The following SPTBN1 variants were observed in gnomAD, a reference collection of about 807,000 sequenced individuals.
SPTBN1 encodes the protein spectrin beta, non-erythrocytic 1.
In SPTBN1, 32 loss-of-function variants were observed where a neutral mutation model predicts 266.4. The observed-to-expected ratio is 0.12, with a 90% confidence interval of 0.09 to 0.16. The LOEUF (loss-of-function observed/expected upper bound fraction) is 0.16. SPTBN1 is among the 10% of genes least tolerant of loss of function. SPTBN1 has a pLI of 1.00. For missense variants in SPTBN1, 2,296 were observed against 3,067.1 expected (o/e 0.75, Z 5.94); for synonymous variants, 1,336 against 1,162.2 (o/e 1.15, Z -3.04).
chr2:54,483,330 A>T (rs1447357028), intron 1 of SPTBN1, among the ~76,000 whole-genome samples: 2 of 152,322 alleles, frequency 1.3e-5, no homozygotes, highest in African/African-American at 4.8e-5. Flanking sequence ...ATTATGTTCC[A>T]TGTTTGTTCA....
intron 26 of SPTBN1, among the ~76,000 whole-genome samples, chr2:54,651,954 C>CA (rs1157800063): frequency 2.0e-5 from 3 of 152,122 alleles, no homozygotes; most frequent in African/African-American, 7.2e-5. Flanking sequence ...TGCTTCTGTG[C>CA]AATCAGGGGT....
At position 54,558,408 on chromosome 2, in the gene SPTBN1, G is replaced by A. The variant is rs1452725321; in HGVS notation, c.148+31842G>A. The A allele has an allele frequency of 9.8e-7, 1 of 1,015,308 alleles. No homozygotes were observed. Among genetic ancestry groups the A allele is most frequent in the Non-Finnish European group, 1.2e-6 (1 of 849,492 alleles). The allele number at this position is 1,015,308 out of a possible 1,614,324, so 62.9% of individuals were successfully genotyped here. On this transcript the variant is annotated intron_variant, in intron 2 of 35. Transcript: ENST00000356805. This position sits in a 1 kb window ranked among gnomAD's most constrained non-coding sequence, Gnocchi z 4.6. ...AGCTGGGAGGAGGTGTGCGCGCTGC[G>A]CCCGCGAGCTCCCGGGCTCGGCAAC... is the stretch of plus-strand genomic sequence containing the variant.
At chr2:54,655,400 T>C (rs1680584357) in intron 28 of SPTBN1, among the ~76,000 whole-genome samples, 192 bp downstream of exon 28, 1 of 152,210 alleles carries the variant, frequency 6.6e-6, no homozygotes, top group Non-Finnish European at 1.5e-5. Context: ...GGTAAATCTC[T>C]GGCACAGAAG....
intron 24 of SPTBN1, 119 bp downstream of exon 24, chr2:54,647,380 C>A: frequency 7.3e-7 from 1 of 1,375,676 alleles, no homozygotes; most frequent in Non-Finnish European, 9.8e-7. Context: ...TAAGGCAAAT[C>A]TTTGAGAAGC....
intron 2 of SPTBN1, chr2:54,528,029 T>C (rs1670929453): frequency 6.6e-6 from 1 of 152,592 alleles, no homozygotes. Flanking sequence ...GTCTCTTGAG[T>C]GGTGTTGATT....
chr2:54,606,664 C>A (rs1213025140), intron 3 of SPTBN1, among the ~76,000 whole-genome samples: 1 of 152,220 alleles, frequency 6.6e-6, no homozygotes. Flanking sequence ...GAAATGATAG[C>A]TGATCCAGGA....
intron 1 of SPTBN1, among the ~76,000 whole-genome samples, chr2:54,461,201 AC>A (rs1381901839): frequency 6.6e-6 from 1 of 152,202 alleles, no homozygotes; most frequent in East Asian, 1.9e-4. Context: ...CTTTATATCA[AC>A]AAAATTATAC....
intron 2 of SPTBN1, among the ~76,000 whole-genome samples, chr2:54,555,298 G>C (rs1313210457): frequency 2.0e-5 from 3 of 152,060 alleles, no homozygotes; most frequent in African/African-American, 7.2e-5. Flanking sequence ...CCACATCCCT[G>C]ACTGCTCCAG....
At chr2:54,505,189 C>T (rs757018292) in intron 1 of SPTBN1, among the ~76,000 whole-genome samples, 1 of 152,062 alleles carries the variant, frequency 6.6e-6, no homozygotes, top group African/African-American at 2.4e-5. Flanking sequence ...ACATTGTATT[C>T]GATCACAAGA....
At chr2:54,491,447 A>T (rs1277598288) in intron 1 of SPTBN1, among the ~76,000 whole-genome samples, 1 of 152,224 alleles carries the variant, frequency 6.6e-6, no homozygotes, top group African/African-American at 2.4e-5. Flanking sequence ...TGGTCATCTT[A>T]TGTAAGAATA....
chr2:54,649,475 A>C lies in SPTBN1; in HGVS notation c.5203-140A>C. ...CCAGTTGCTAAGAGGTTCTCGAGCT[A>C]AGATCTATTGTTCTGAAGTCATGAG... is the stretch of plus-strand genomic sequence containing the variant. On this transcript the variant is annotated intron_variant, in intron 25 of 35. Coordinates refer to ENST00000356805, the MANE Select transcript of SPTBN1 (RefSeq NM_003128.3). This position sits in a 1 kb window ranked among gnomAD's most constrained non-coding sequence, Gnocchi z 6.7. The C allele has an allele frequency of 7.5e-7, 1 of 1,333,798 alleles. No homozygotes were observed. Among genetic ancestry groups the C allele is most frequent in the South Asian group, 1.6e-5 (1 of 63,740 alleles). 82.6% of individuals were successfully genotyped at this position (1,333,798 alleles called of 1,614,324 possible). A position where few individuals can be genotyped will look rare whatever the true frequency, so the allele number is the denominator to read the frequency against.
chr2:54,613,703 A>C (rs1326430339), intron 4 of SPTBN1, among the ~76,000 whole-genome samples: 1 of 152,192 alleles, frequency 6.6e-6, no homozygotes, highest in Non-Finnish European at 1.5e-5. Context: ...GCAATCAAGG[A>C]CATTTTTCCC....
chr2:54,599,033 T>A lies in SPTBN1; in HGVS notation c.149-59T>A, dbSNP rs113864996. ...CTGGGGTCTTGTGGCCCTGCTAGCA[T>A]GTGCCTGCTCCTGCCAGTTCTGTGG... On this transcript the variant is annotated intron_variant, in intron 2 of 35. Coordinates refer to ENST00000356805, the MANE Select transcript of SPTBN1 (RefSeq NM_003128.3). The A allele has an allele frequency of 5.5e-5, 88 of 1,586,076 alleles. 1 individual carries two copies. In the African/African-American group the frequency reaches 7.9e-4, roughly 14 times the overall value.
At chr2:54,476,284 A>G (rs750019176) in intron 1 of SPTBN1, among the ~76,000 whole-genome samples, 56 of 152,338 alleles carry the variant, frequency 3.7e-4, no homozygotes, top group Middle Eastern at 3.4e-3. Flanking sequence ...GTAGCAGGTA[A>G]GAGTAATCCT....
Position 54,554,025 on chromosome 2 carries a change from C to G in SPTBN1, c.148+27459C>G, listed in dbSNP as rs183708363. On this transcript the variant is annotated intron_variant, in intron 2 of 35. Transcript: ENST00000356805. This position sits in a 1 kb window ranked among gnomAD's most constrained non-coding sequence, Gnocchi z 4.5. ...AAGACCTAATAAAACCCACTCAGAA[C>G]CACAGAACACTTCAAGCAGCAAGCT... Among the ~76,000 whole-genome samples the G allele has an allele frequency of 1.2e-4, 18 of 152,278 alleles. No individual in the cohort carries two copies. The East Asian group carries it at 3.5e-3, about 29-fold the overall frequency.
At chr2:54,622,863 C>T (rs1461989476) in intron 9 of SPTBN1, among the ~76,000 whole-genome samples, 1 of 152,116 alleles carries the variant, frequency 6.6e-6, no homozygotes, top group Non-Finnish European at 1.5e-5. Context: ...AAGGCAATAG[C>T]CCATAAGCCC....
intron 1 of SPTBN1, among the ~76,000 whole-genome samples, chr2:54,520,142 G>T (rs761128020): frequency 2.6e-5 from 4 of 152,186 alleles, no homozygotes; most frequent in African/African-American, 4.8e-5. Context: ...CTGGAAAGTA[G>T]CCTGGGGATT....
chr2:54,664,564 A>C lies in SPTBN1; in HGVS notation c.6532A>C (p.Thr2178Pro). 5 of 1,614,134 alleles carry C rather than the reference A, an allele frequency of 3.1e-6. No individual in the cohort carries two copies. Among genetic ancestry groups the C allele is most frequent in the Non-Finnish European group, 4.2e-6 (5 of 1,180,020 alleles). ...CCCGACCTCTGATCGTAAAGCCAAGACTGCCCTCCCAGCCCAGAGTGCCGC... is the reference window on the plus strand; with the variant it reads ...CCCGACCTCTGATCGTAAAGCCAAGCCTGCCCTCCCAGCCCAGAGTGCCGC... Reference protein sequence around the residue: ...PSPTSDRKAKTALPAQSAATL... With the variant: ...PSPTSDRKAKPALPAQSAATL... The change falls in exon 33 of 36, where the codon ACT becomes CCT. Residue 2178 changes from threonine to proline, a missense_variant. Physicochemically the swap from Thr to Pro is conservative, Grantham distance 38 (BLOSUM62 -1). Coordinates refer to ENST00000356805, the MANE Select transcript of SPTBN1 (RefSeq NM_003128.3). This position sits in a 1 kb window ranked among gnomAD's most constrained non-coding sequence, Gnocchi z 5.6.
At chr2:54,624,117 A>G (rs967622206) in intron 10 of SPTBN1, among the ~76,000 whole-genome samples, 5 of 152,236 alleles carry the variant, frequency 3.3e-5, no homozygotes, top group African/African-American at 1.2e-4. Context: ...CTTGTACAGA[A>G]CTACATTCCT....
Sources: allele counts gnomAD v4.1 joint callset (sites outside exome capture counted in the v4.1 genomes callset), GRCh38; gene constraint gnomAD v4.1.1; non-coding constraint Gnocchi (gnomAD v3.1); transcripts MANE v1.5; gene names NCBI Gene and HGNC (gene_info 2026-07-23, HGNC 2026-07-21).